The following DEDD2 variants were observed in gnomAD, a reference collection of about 807,000 sequenced individuals.
DEDD2 encodes death effector domain containing 2.
A neutral mutation model predicts 28.9 loss-of-function variants in DEDD2; 18 were observed. The observed-to-expected ratio is 0.62, with a 90% confidence interval of 0.43 to 0.92. The LOEUF (loss-of-function observed/expected upper bound fraction) is 0.92. Among genes scored for constraint, DEDD2 ranks in the 40% least tolerant of loss-of-function variants. The pLI, the probability that DEDD2 is intolerant of heterozygous loss-of-function variation, is 0.00. For synonymous variants in DEDD2, 211 were observed against 206.1 expected (o/e 1.02, Z -0.20); for missense variants, 411 against 463.3 (o/e 0.89, Z 1.04).
At chr19:42,202,632 C>G (rs905680206) in intron 4 of DEDD2, among the ~76,000 whole-genome samples, 1 of 152,192 alleles carries the variant, frequency 6.6e-6, no homozygotes, top group Non-Finnish European at 1.5e-5. Context: ...ACACAAGAAC[C>G]TTGCCACAAG....
intron 4 of DEDD2, among the ~76,000 whole-genome samples, chr19:42,200,525 C>A (rs2035290406): frequency 6.6e-6 from 1 of 152,246 alleles, no homozygotes; most frequent in Non-Finnish European, 1.5e-5. Flanking sequence ...TGCGGATGCG[C>A]AGGGTCCTGA....
intron 4 of DEDD2, among the ~76,000 whole-genome samples, chr19:42,200,517 CG>C (rs1349641938): frequency 2.0e-5 from 3 of 152,334 alleles, no homozygotes; most frequent in Non-Finnish European, 4.4e-5. Flanking sequence ...GCCAGCACTG[CG>C]GATGCGCAGG....
At chr19:42,216,653 G>C (rs2035981287) in intron 2 of DEDD2, 27 bp downstream of exon 2, 1 of 1,529,458 alleles carries the variant, frequency 6.5e-7, no homozygotes, top group Non-Finnish European at 8.7e-7. Context: ...CTCCCAGGAA[G>C]TGTGACACCC....
At chr19:42,216,625 C>G in intron 2 of DEDD2, 55 bp downstream of exon 2, 1 of 1,478,868 alleles carries the variant, frequency 6.8e-7, no homozygotes, top group Non-Finnish European at 8.9e-7. Flanking sequence ...GGAGGCCCAG[C>G]GGGAGCCAGG....
At chr19:42,207,829 C>T (rs1483605008) in intron 4 of DEDD2, among the ~76,000 whole-genome samples, 1 of 151,974 alleles carries the variant, frequency 6.6e-6, no homozygotes, top group Non-Finnish European at 1.5e-5. Flanking sequence ...CCTCATCTCC[C>T]CCTGCTCCCA....
At chr19:42,210,836 A>G (rs1369086179) in intron 3 of DEDD2, among the ~76,000 whole-genome samples, 1 of 151,528 alleles carries the variant, frequency 6.6e-6, no homozygotes, top group African/African-American at 2.4e-5. Context: ...TGGAAGGCCG[A>G]GGTGGGTGGA....
chr19:42,207,530 G>A (rs2035581867), intron 4 of DEDD2, among the ~76,000 whole-genome samples: 1 of 152,034 alleles, frequency 6.6e-6, no homozygotes, highest in South Asian at 2.1e-4. Context: ...CCTTTGCAGG[G>A]GCTCGGCACC....
At chr19:42,207,976 C>T (rs2035599036) in intron 4 of DEDD2, among the ~76,000 whole-genome samples, 1 of 152,142 alleles carries the variant, frequency 6.6e-6, no homozygotes, top group South Asian at 2.1e-4. Context: ...AGACATGGCA[C>T]CTCCACAAGG....
At position 42,198,875 on chromosome 19, in the gene DEDD2, G is replaced by A. The variant is rs1200323007; in HGVS notation, c.*563C>T. On this transcript the variant is annotated 3_prime_UTR_variant, in exon 5 of 5. Coordinates refer to ENST00000596251, the MANE Select transcript of DEDD2 (RefSeq NM_133328.4). Reference sequence around the variant, plus strand: ...ATTGAAGCTGGGCAGGGCCCTGGCTGGCTGGAGATGTGTGGGCAAGGTGAG... The same window carrying A: ...ATTGAAGCTGGGCAGGGCCCTGGCTAGCTGGAGATGTGTGGGCAAGGTGAG... 6.5e-6 allele frequency: 1 copy of A among 153,600 alleles called. No homozygotes were observed. The highest frequency in any genetic ancestry group is 1.4e-5 in the Non-Finnish European group (1 of 69,016). 9.5% of individuals were successfully genotyped at this position (153,600 alleles called of 1,614,324 possible).
At chr19:42,211,873 A>G (rs1358738840) in intron 3 of DEDD2, 2 of 151,794 alleles carry the variant, frequency 1.3e-5, no homozygotes, top group Non-Finnish European at 2.9e-5. Flanking sequence ...CCCTGTCTCC[A>G]CTAAAAATAC....
chr19:42,204,005 T>G (rs1282061233), intron 4 of DEDD2, among the ~76,000 whole-genome samples: 2 of 152,130 alleles, frequency 1.3e-5, no homozygotes, highest in East Asian at 3.9e-4. Flanking sequence ...CCTGGGAGGG[T>G]GGGGGGCAGG....
At chr19:42,208,666 G>A (rs1441705027) in intron 4 of DEDD2, among the ~76,000 whole-genome samples, 3 of 152,120 alleles carry the variant, frequency 2.0e-5, no homozygotes, top group African/African-American at 7.2e-5. Context: ...GCCCCAGCCT[G>A]GCTCCTCCAC....
chr19:42,206,410 C>G (rs902448054), intron 4 of DEDD2, among the ~76,000 whole-genome samples: 1 of 152,098 alleles, frequency 6.6e-6, no homozygotes, highest in Non-Finnish European at 1.5e-5. Context: ...AGCACAAGCT[C>G]AATGAGGGCA....
intron 4 of DEDD2, among the ~76,000 whole-genome samples, chr19:42,208,420 T>G (rs2035618273): frequency 6.6e-6 from 1 of 152,184 alleles, no homozygotes; most frequent in Admixed American, 6.5e-5. Context: ...TTCAAGCGAT[T>G]AATTTAATCT....
chr19:42,199,551 G>A lies in DEDD2; in HGVS notation c.868C>T (p.Arg290Trp), dbSNP rs767251131. 1.5e-5 allele frequency: 24 copies of A among 1,613,994 alleles called. No individual in the cohort carries two copies. The highest frequency in any genetic ancestry group is 2.2e-5 in the East Asian group (1 of 44,864). ...CTGACCAGCAGGCGAACAGCCTCCCGGCCCACAGCCTCTCGCAGGGCCTCA... is the reference window on the plus strand; with the variant it reads ...CTGACCAGCAGGCGAACAGCCTCCCAGCCCACAGCCTCTCGCAGGGCCTCA... ...LTEALREAVG[R>W]EAVRLLVSVD... The change falls in exon 5 of 5, where the codon CGG (arginine) becomes TGG (tryptophan). Residue 290 changes from arginine (R) to tryptophan (W), a missense_variant. Around this residue, in one of 2 missense-constraint regions of DEDD2, gnomAD observed 129 missense variants for 189.9 expected, o/e 0.68. Coordinates refer to ENST00000596251, the MANE Select transcript of DEDD2 (RefSeq NM_133328.4). This position sits in a 1 kb window ranked among gnomAD's most constrained non-coding sequence, Gnocchi z 7.4.
At chr19:42,202,502 C>A (rs1233126010) in intron 4 of DEDD2, among the ~76,000 whole-genome samples, 1 of 152,226 alleles carries the variant, frequency 6.6e-6, no homozygotes. Flanking sequence ...TCTCAATCCA[C>A]CCAGAGCCCC....
intron 2 of DEDD2, 109 bp downstream of exon 2, chr19:42,216,571 G>T (rs1363081884): frequency 2.7e-6 from 3 of 1,107,612 alleles, no homozygotes; most frequent in Non-Finnish European, 3.7e-6. Flanking sequence ...AGCAGAATGG[G>T]ACATAAGCTG....
At chr19:42,202,351 G>T (rs770563474) in intron 4 of DEDD2, among the ~76,000 whole-genome samples, 11 of 152,086 alleles carry the variant, frequency 7.2e-5, no homozygotes, top group Non-Finnish European at 1.5e-4. Flanking sequence ...TTCCCAACAA[G>T]AGCCTTACTT....
chr19:42,213,248 G>A (rs2146898431), intron 3 of DEDD2, among the ~76,000 whole-genome samples: 1 of 152,208 alleles, frequency 6.6e-6, no homozygotes, highest in South Asian at 2.1e-4. Flanking sequence ...AAGGGGCATT[G>A]GGGGAATACC....
Sources: allele counts gnomAD v4.1 joint callset (sites outside exome capture counted in the v4.1 genomes callset), GRCh38; gene constraint gnomAD v4.1.1; regional missense constraint gnomAD v4.1.1; non-coding constraint Gnocchi (gnomAD v3.1); transcripts MANE v1.5; gene names NCBI Gene and HGNC (gene_info 2026-07-23, HGNC 2026-07-21).